Variants in GABRG3 observed in about 807,000 individuals in gnomAD.
GABRG3 encodes the protein gamma-aminobutyric acid type A receptor subunit gamma3.
Under a neutral mutation model 48.8 loss-of-function variants are expected in GABRG3, and 25 were observed. The ratio of observed to expected loss-of-function variants is 0.51; its 90% CI spans 0.37 to 0.72. The LOEUF (loss-of-function observed/expected upper bound fraction) is 0.72, where lower values mean the gene tolerates loss of function less well. GABRG3 is among the 30% of genes least tolerant of loss of function. The pLI, the probability that GABRG3 is intolerant of heterozygous loss-of-function variation, is 0.00. For synonymous variants in GABRG3, 227 were observed against 217.6 expected (o/e 1.04, Z -0.38); for missense variants, 394 against 577.9 (o/e 0.68, Z 3.26).
At chr15:27,419,828 A>G (rs1330030356) in intron 5 of GABRG3, among the ~76,000 whole-genome samples, 1 of 152,232 alleles carries the variant, frequency 6.6e-6, no homozygotes, top group Non-Finnish European at 1.5e-5. Context: ...GAATTGCAAC[A>G]TATCAAGTTG....
intron 3 of GABRG3, among the ~76,000 whole-genome samples, chr15:27,267,911 A>G (rs1890970432): frequency 1.3e-5 from 2 of 152,192 alleles, no homozygotes; most frequent in Admixed American, 6.5e-5. Context: ...ATCATGATGC[A>G]TCTTCCTTTT....
intron 5 of GABRG3, among the ~76,000 whole-genome samples, chr15:27,388,944 G>T (rs895687229): frequency 6.6e-6 from 1 of 152,138 alleles, no homozygotes; most frequent in Non-Finnish European, 1.5e-5. Flanking sequence ...GATTTTGCTA[G>T]TTACACAATC....
Position 27,306,353 on chromosome 15 carries a change from A to G in GABRG3, c.271-20456A>G, listed in dbSNP as rs1892443880. Among the ~76,000 whole-genome samples the G allele has an allele frequency of 2.0e-5, 2 of 98,108 alleles. 1 individual carries two copies. Among genetic ancestry groups the G allele is most frequent in the Non-Finnish European group, 5.1e-5 (2 of 39,350 alleles). The allele number at this position is 98,108 out of a possible 152,430, so 64.4% of individuals were successfully genotyped here. A position where few individuals can be genotyped will look rare whatever the true frequency, so the allele number is the denominator to read the frequency against. Reference sequence around the variant, plus strand: ...ATAAACATAAAATATAAACATGTCTACATATAAACATATATATAATATAAA... The same window carrying G: ...ATAAACATAAAATATAAACATGTCTGCATATAAACATATATATAATATAAA... On this transcript the variant is annotated intron_variant, in intron 3 of 9. Coordinates refer to ENST00000615808, the MANE Select transcript of GABRG3 (RefSeq NM_033223.5).
intron 6 of GABRG3, among the ~76,000 whole-genome samples, chr15:27,494,317 G>A (rs1029891424): frequency 6.6e-6 from 1 of 151,928 alleles, no homozygotes; most frequent in African/African-American, 2.4e-5. Flanking sequence ...ATCTTGTTGA[G>A]AGTTTTTAAA....
chr15:27,503,376 T>C (rs1002752788), intron 6 of GABRG3, among the ~76,000 whole-genome samples: 8 of 152,184 alleles, frequency 5.3e-5, no homozygotes, highest in African/African-American at 1.9e-4. Flanking sequence ...GGGCCTCTCA[T>C]TGAGACCTTT....
At chr15:27,098,612 G>C (rs1284538681) in intron 3 of GABRG3, among the ~76,000 whole-genome samples, 1 of 152,098 alleles carries the variant, frequency 6.6e-6, no homozygotes, top group Non-Finnish European at 1.5e-5. Context: ...ATTTTAAAGA[G>C]TTTGAGCCTT....
At chr15:27,206,777 T>C (rs1888866127) in intron 3 of GABRG3, among the ~76,000 whole-genome samples, 2 of 152,216 alleles carry the variant, frequency 1.3e-5, no homozygotes, top group African/African-American at 4.8e-5. Flanking sequence ...AGTGTTTTTA[T>C]TGAATGGAAC....
chr15:27,443,172 A>T (rs1888841227), intron 5 of GABRG3, among the ~76,000 whole-genome samples: 1 of 152,230 alleles, frequency 6.6e-6, no homozygotes, highest in South Asian at 2.1e-4. Flanking sequence ...TTAAGAGATT[A>T]GGACACCGAT....
chr15:27,343,730 C>A lies in GABRG3; in HGVS notation c.574+14842C>A, dbSNP rs528989639. 1.9e-4 allele frequency among the ~76,000 whole-genome samples: 29 copies of A among 152,012 alleles called. No homozygotes were observed. The South Asian group carries it at 6.0e-3, about 32-fold the overall frequency. On this transcript the variant is annotated intron_variant, in intron 5 of 9. Coordinates refer to ENST00000615808, the MANE Select transcript of GABRG3 (RefSeq NM_033223.5). ...GTTACCTATTCAGAACACGGTACGTCAACAAATTCTAAAGCCGTGTCTCAA... is the reference window on the plus strand; with the variant it reads ...GTTACCTATTCAGAACACGGTACGTAAACAAATTCTAAAGCCGTGTCTCAA...
At chr15:27,190,338 T>C (rs1358968728) in intron 3 of GABRG3, among the ~76,000 whole-genome samples, 1 of 152,216 alleles carries the variant, frequency 6.6e-6, no homozygotes. Flanking sequence ...AGAATTCGGC[T>C]GTGAATCCAT....
At chr15:27,029,844 G>C (rs915576024) in intron 3 of GABRG3, among the ~76,000 whole-genome samples, 6 of 152,140 alleles carry the variant, frequency 3.9e-5, no homozygotes, top group African/African-American at 1.2e-4. Context: ...ACCACTTCTG[G>C]AAGAATGAGT....
chr15:27,056,333 A>G (rs1286311945), intron 3 of GABRG3, among the ~76,000 whole-genome samples: 1 of 146,140 alleles, frequency 6.8e-6, no homozygotes, highest in Non-Finnish European at 1.5e-5. Context: ...AGCCTGGTTG[A>G]CAGAGTGAGA....
rs192584444 is a variant in GABRG3 at position 27,234,078 on chromosome 15, A to G, written c.271-92731A>G. Among the ~76,000 whole-genome samples, 66 of 152,326 alleles carry G rather than the reference A, an allele frequency of 4.3e-4. No homozygotes were observed. The East Asian group carries it at 0.011, about 26-fold the overall frequency. On this transcript the variant is annotated intron_variant, in intron 3 of 9. Transcript: ENST00000615808. ...TTCCTTTTTTTCTGTTAGTCTAAGG[A>G]GATTAAAAAATAAGGAATAAAATTC...
chr15:27,009,429 C>T (rs527913568), intron 2 of GABRG3, among the ~76,000 whole-genome samples: 2 of 152,306 alleles, frequency 1.3e-5, no homozygotes, highest in East Asian at 3.9e-4. Flanking sequence ...CCAATATATA[C>T]ATCCTACATA....
intron 3 of GABRG3, among the ~76,000 whole-genome samples, chr15:27,174,624 C>G (rs1887687705): frequency 6.6e-6 from 1 of 151,400 alleles, no homozygotes; most frequent in African/African-American, 2.4e-5. Flanking sequence ...CTCTCACTCT[C>G]ACATCTTGTT....
At chr15:27,024,567 C>G (rs1895951616) in intron 2 of GABRG3, among the ~76,000 whole-genome samples, 1 of 152,172 alleles carries the variant, frequency 6.6e-6, no homozygotes, top group African/African-American at 2.4e-5. Context: ...ACTGTCCGTT[C>G]CCTCATTGAA....
chr15:27,170,011 A>T (rs2140410002), intron 3 of GABRG3, among the ~76,000 whole-genome samples: 1 of 152,316 alleles, frequency 6.6e-6, no homozygotes, highest in South Asian at 2.1e-4. Flanking sequence ...AGATAAAGCT[A>T]TTTTATGATT....
intron 2 of GABRG3, among the ~76,000 whole-genome samples, chr15:26,987,755 C>T (rs1007701074): frequency 3.3e-5 from 5 of 152,222 alleles, no homozygotes; most frequent in African/African-American, 1.2e-4. Flanking sequence ...AGGTGGAAGA[C>T]GAAGGCATTG....
intron 5 of GABRG3, among the ~76,000 whole-genome samples, chr15:27,460,421 T>G (rs904868544): frequency 2.0e-5 from 3 of 151,714 alleles, no homozygotes; most frequent in Non-Finnish European, 2.9e-5. Context: ...GAAAGGAGGG[T>G]GTTTATTTGC....
Sources: allele counts gnomAD v4.1 joint callset (sites outside exome capture counted in the v4.1 genomes callset), GRCh38; gene constraint gnomAD v4.1.1; transcripts MANE v1.5; gene names NCBI Gene and HGNC (gene_info 2026-07-23, HGNC 2026-07-21).